BPTF: variants seen among roughly 807,000 people sequenced by gnomAD.
BPTF encodes the protein nucleosome-remodeling factor subunit BPTF.
A neutral mutation model predicts 292.5 loss-of-function variants in BPTF; 18 were observed. The observed-to-expected ratio is 0.06, with a 90% confidence interval of 0.04 to 0.09. The LOEUF is 0.09. BPTF is among the 10% of genes least tolerant of loss of function. The pLI, the probability that BPTF is intolerant of heterozygous loss-of-function variation, is 1.00. For missense variants in BPTF, 2,726 were observed against 3,498.7 expected, an observed-to-expected ratio of 0.78 and a Z score of 5.57; for synonymous variants, 1,225 against 1,251.9, an observed-to-expected ratio of 0.98 and a Z score of 0.45.
In BPTF at chr17:67,946,466, C is replaced by CA. The variant is rs2065820092; in HGVS notation, c.7617+149dup. The CA allele has an allele frequency of 4.5e-5, 56 of 1,256,714 alleles. 1 individual carries two copies. Among genetic ancestry groups the CA allele is most frequent in the Non-Finnish European group, 5.5e-5 (51 of 934,072 alleles). 77.8% of individuals were successfully genotyped at this position (1,256,714 alleles called of 1,614,324 possible). A position where few individuals can be genotyped will look rare whatever the true frequency, so the allele number is the denominator to read the frequency against. Reference sequence around the variant, plus strand: ...AATTTAGAAGAAACACTGAATTGACCAAAAAAAATACTGAATGACTACTGT... The same window carrying CA: ...AATTTAGAAGAAACACTGAATTGACCAAAAAAAAATACTGAATGACTACTGT... On this transcript the variant is annotated intron_variant, in intron 21 of 27. Coordinates refer to ENST00000306378, the MANE Select transcript of BPTF (RefSeq NM_182641.4).
intron 23 of BPTF, among the ~76,000 whole-genome samples, chr17:67,953,357 G>A (rs2066576108): frequency 6.6e-6 from 1 of 150,872 alleles, no homozygotes; most frequent in Non-Finnish European, 1.5e-5. Flanking sequence ...CCAGTTTCAA[G>A]CGATTCTCCT....
intron 22 of BPTF, 117 bp from the exon 23 acceptor site, chr17:67,947,964 T>A (rs987394271): frequency 1.2e-5 from 15 of 1,268,672 alleles, no homozygotes; most frequent in East Asian, 1.2e-4. Context: ...GAACCACTCT[T>A]GACGTTTTCC....
intron 7 of BPTF, among the ~76,000 whole-genome samples, chr17:67,895,396 C>A (rs1254565687): frequency 1.3e-5 from 2 of 149,252 alleles, no homozygotes; most frequent in Non-Finnish European, 3.0e-5. Flanking sequence ...ACATTTATGC[C>A]TACTAAATGG....
At chr17:67,888,313 G>C (rs2060873355) in intron 4 of BPTF, among the ~76,000 whole-genome samples, 1 of 152,048 alleles carries the variant, frequency 6.6e-6, no homozygotes. Flanking sequence ...TCTGGGCCGG[G>C]CTCGGTGGCT....
chr17:67,908,350 G>A (rs1568032903), intron 9 of BPTF, among the ~76,000 whole-genome samples: 1 of 151,866 alleles, frequency 6.6e-6, no homozygotes, highest in African/African-American at 2.4e-5. Context: ...GTAGAGATGG[G>A]GTTTCACCTT....
At chr17:67,843,108 G>A (rs1451909541) in intron 1 of BPTF, among the ~76,000 whole-genome samples, 3 of 150,068 alleles carry the variant, frequency 2.0e-5, no homozygotes, top group Non-Finnish European at 4.4e-5. Context: ...CTATATATAT[G>A]TAGATGTATG....
At chr17:67,935,035 C>T (rs1247782938) in intron 18 of BPTF, among the ~76,000 whole-genome samples, 1 of 151,996 alleles carries the variant, frequency 6.6e-6, no homozygotes, top group African/African-American at 2.4e-5. Context: ...ATTTGAACAC[C>T]TACTCTAGGC....
At chr17:67,923,587 A>G (rs1337957162) in intron 14 of BPTF, among the ~76,000 whole-genome samples, 1 of 141,708 alleles carries the variant, frequency 7.1e-6, no homozygotes, top group African/African-American at 2.6e-5. Context: ...GGCTCAAGCA[A>G]TTCTGCCTCA....
At chr17:67,861,642 A>G (rs1030743008) in intron 2 of BPTF, among the ~76,000 whole-genome samples, 9 of 152,122 alleles carry the variant, frequency 5.9e-5, no homozygotes, top group Admixed American at 5.9e-4. Context: ...TAAAACAGCA[A>G]TTTTGATCAA....
In BPTF at chr17:67,826,213, G is replaced by A. The variant is rs772810466; in HGVS notation, c.489G>A (p.Glu163=). The A allele has an allele frequency of 6.2e-7, 1 of 1,613,378 alleles. No homozygotes were observed. The highest frequency in any genetic ancestry group is 8.5e-7 in the Non-Finnish European group (1 of 1,179,458). The change falls in exon 1 of 28, where the codon GAG becomes GAA. Residue 163 remains glutamate, a synonymous_variant. Coordinates refer to ENST00000306378, the MANE Select transcript of BPTF (RefSeq NM_182641.4). ...CCCAGGATTCTGAGGACGACGAGGA[G>A]GATGAGATGGAAGAGGACGACGATG... The part of the protein sequence containing the change: ...EETQDSEDDE[E]DEMEEDDDDS...
At chr17:67,949,242 G>A (rs1169384715) in intron 23 of BPTF, among the ~76,000 whole-genome samples, 1 of 152,104 alleles carries the variant, frequency 6.6e-6, no homozygotes, top group Non-Finnish European at 1.5e-5. Flanking sequence ...GCATACGCCT[G>A]TAGTCCCAGC....
chr17:67,897,747 T>C (rs2146450837), intron 7 of BPTF, among the ~76,000 whole-genome samples: 1 of 152,316 alleles, frequency 6.6e-6, no homozygotes, highest in East Asian at 1.9e-4. Flanking sequence ...ATAAGGTATT[T>C]CTTAAATTTC....
In BPTF at chr17:67,854,709, T is replaced by C. The variant is rs779332775; in HGVS notation, c.1383T>C (p.Ile461=). ...AACCATATATTCGACATGAACCTAT[T>C]GGATATGATAGAAGTCGGAGGAAAT... ...KNKPYIRHEP[I]GYDRSRRKYW... The change falls in exon 2 of 28, where the codon ATT becomes ATC. Residue 461 remains isoleucine (I), a synonymous_variant. Transcript: ENST00000306378. This position sits in a 1 kb window ranked among gnomAD's most constrained non-coding sequence, Gnocchi z 5.6. 2.5e-6 allele frequency: 4 copies of C among 1,614,058 alleles called. No individual in the cohort carries two copies. The highest frequency in any genetic ancestry group is 2.2e-5 in the East Asian group (1 of 44,904).
At chr17:67,942,499 C>T (rs1245118433) in intron 19 of BPTF, among the ~76,000 whole-genome samples, 1 of 152,082 alleles carries the variant, frequency 6.6e-6, no homozygotes, top group East Asian at 1.9e-4. Context: ...AGACATAGAG[C>T]AGAAAGAATT....
chr17:67,845,970 A>G (rs1028352570), intron 1 of BPTF, among the ~76,000 whole-genome samples: 3 of 152,082 alleles, frequency 2.0e-5, no homozygotes, highest in African/African-American at 7.2e-5. Flanking sequence ...TTATCTTTCA[A>G]AGGCTAAAAG....
chr17:67,933,327 T>C (rs1329296423), intron 18 of BPTF, among the ~76,000 whole-genome samples: 1 of 151,470 alleles, frequency 6.6e-6, no homozygotes, highest in Non-Finnish European at 1.5e-5. Flanking sequence ...CCCAAAACTT[T>C]GGGAGGCTGA....
At chr17:67,885,501 A>G (rs2060693257) in intron 4 of BPTF, among the ~76,000 whole-genome samples, 1 of 152,096 alleles carries the variant, frequency 6.6e-6, no homozygotes, top group Admixed American at 6.6e-5. Flanking sequence ...GAGGCGGGAG[A>G]ATCTCTTGAA....
At chr17:67,921,032 C>A (rs1363882001) in intron 13 of BPTF, among the ~76,000 whole-genome samples, 1 of 151,068 alleles carries the variant, frequency 6.6e-6, no homozygotes, top group African/African-American at 2.4e-5. Context: ...TGTAGTGAAA[C>A]CCTATCCCTA....
In BPTF at chr17:67,909,350, G is replaced by A. The variant is rs1464576936; in HGVS notation, c.2813-232G>A. ...ATATTTCACCAAAAATGTTCACAAA[G>A]TTTTCTGAAATGTCTGAAGTTCAGG... On this transcript the variant is annotated intron_variant, in intron 9 of 27. Transcript: ENST00000306378. Among the ~76,000 whole-genome samples, 13 of 133,902 alleles carry A rather than the reference G, an allele frequency of 9.7e-5. No homozygotes were observed. In the East Asian group the frequency reaches 2.8e-3, roughly 29 times the overall value. The allele number at this position is 133,902 out of a possible 152,430, so 87.8% of individuals were successfully genotyped here.
Sources: allele counts gnomAD v4.1 joint callset (sites outside exome capture counted in the v4.1 genomes callset), GRCh38; gene constraint gnomAD v4.1.1; non-coding constraint Gnocchi (gnomAD v3.1); transcripts MANE v1.5; gene names NCBI Gene and HGNC (gene_info 2026-07-23, HGNC 2026-07-21).